Variants in ANK2 observed in about 807,000 individuals in gnomAD.
The protein encoded by ANK2 is ankyrin-2.
Under a neutral mutation model 360.5 loss-of-function variants are expected in ANK2, and 83 were observed. The observed-to-expected ratio is 0.23, with a 90% CI of 0.19 to 0.28. The LOEUF (loss-of-function observed/expected upper bound fraction) is 0.28, where lower values mean the gene tolerates loss of function less well. ANK2 is among the 10% of genes least tolerant of loss of function. The pLI, the probability that ANK2 is intolerant of heterozygous loss-of-function variation, is 1.00. For synonymous variants in ANK2, 1,740 were observed against 1,759.5 expected, an observed-to-expected ratio of 0.99 and a Z score of 0.28; for missense variants, 4,201 against 4,795.7, an observed-to-expected ratio of 0.88 and a Z score of 3.66.
chr4:112,970,895 A>G (rs2039298720), intron 2 of ANK2, among the ~76,000 whole-genome samples: 2 of 152,204 alleles, frequency 1.3e-5, no homozygotes, highest in Admixed American at 1.3e-4. Flanking sequence ...GCATATGTCA[A>G]TTAGCTTGAT....
chr4:113,152,296 G>A (rs991728270), intron 1 of ANK2: 1 of 152,036 alleles, frequency 6.6e-6, no homozygotes, highest in African/African-American at 2.4e-5. Flanking sequence ...GTGTGATGAT[G>A]GAGCTGGGAA....
Position 113,343,100 on chromosome 4 carries a change from T to C in ANK2, c.4206T>C (p.Ser1402=), listed in dbSNP as rs769675138. The C allele has an allele frequency of 6.2e-6, 10 of 1,613,226 alleles. No individual in the cohort carries two copies. Among genetic ancestry groups the C allele is most frequent in the African/African-American group, 2.7e-5 (2 of 74,902 alleles). The change falls in exon 34 of 46, where the codon AGT becomes AGC. Residue 1402 remains serine, a synonymous_variant. Transcript: ENST00000357077. The part of the protein sequence containing the change: ...LTKSGQHHIF[S]FFAFKENRLP... ...AAAGTGGCCAGCATCATATATTCAG[T>C]TTTTTTGCCTTCAAAGAAAATAGAC...
chr4:112,808,092 T>C, the ANK2 span, among the ~76,000 whole-genome samples: 3 of 152,212 alleles, frequency 2.0e-5, no homozygotes, highest in Non-Finnish European at 4.4e-5. Context: ...GCAAGCTCAA[T>C]GTGAGCCAAT....
intron 2 of ANK2, among the ~76,000 whole-genome samples, chr4:113,188,448 A>G (rs2098586174): frequency 6.6e-6 from 1 of 152,162 alleles, no homozygotes; most frequent in African/African-American, 2.4e-5. Flanking sequence ...CATTTCTTCT[A>G]CTTATAGGGG....
intron 13 of ANK2, among the ~76,000 whole-genome samples, chr4:113,263,187 G>GAA (rs762758720): frequency 0.031 from 1,941 of 63,534 alleles, 71 homozygotes; most frequent in African/African-American, 0.087. Context: ...GACTCTGTCT[G>GAA]AAAAAAAAAA....
At chr4:112,928,302 A>ATAGAAAAATAGTATGGTAC (rs2092802211) in intron 2 of ANK2, among the ~76,000 whole-genome samples, 1 of 151,578 alleles carries the variant, frequency 6.6e-6, no homozygotes, top group Admixed American at 6.6e-5. Context: ...AAAGTCTTAA[A>ATAGAAAAATAGTATGGTAC]TAGAAAAATA....
intron 4 of ANK2, among the ~76,000 whole-genome samples, chr4:113,222,141 G>A (rs768788781): frequency 1.1e-4 from 16 of 152,150 alleles, no homozygotes; most frequent in Admixed American, 2.0e-4. Context: ...ATTAAATAAC[G>A]AATGTAAAGT....
At position 113,073,047 on chromosome 4, in the gene ANK2, C is replaced by T. The variant is rs561880343; in HGVS notation, c.84+23235C>T. On this transcript the variant is annotated intron_variant, in intron 1 of 45. Transcript: ENST00000357077. ...TGCAATCTCAGCTCACTGCAACCTC[C>T]GCCTCCCACGTTCAAGTGATTCTCC... is the stretch of plus-strand genomic sequence containing the variant. Among the ~76,000 whole-genome samples the T allele has an allele frequency of 1.2e-4, 17 of 147,716 alleles. No homozygotes were observed. The East Asian group carries it at 1.8e-3, about 16-fold the overall frequency.
rs1198980136 is a variant in ANK2 at position 113,211,357 on chromosome 4, T to G, written c.384+12248T>G. Among the ~76,000 whole-genome samples, 7 of 152,332 alleles carry G rather than the reference T, an allele frequency of 4.6e-5. No homozygotes were observed. The East Asian group carries it at 1.3e-3, about 29-fold the overall frequency. On this transcript the variant is annotated intron_variant, in intron 4 of 45. Transcript: ENST00000357077. ...TTCCTTCTTTCACGTAATGTGCCAT[T>G]GATTAATAATCAAACAGCTTGCATT...
chr4:113,276,149 G>A (rs2060177411), intron 15 of ANK2, among the ~76,000 whole-genome samples: 1 of 151,958 alleles, frequency 6.6e-6, no homozygotes, highest in South Asian at 2.1e-4. Flanking sequence ...CACTGTGTTA[G>A]CCAGGATGGA....
At chr4:113,334,587 T>C (rs573912028) in intron 29 of ANK2, among the ~76,000 whole-genome samples, 1,568 of 143,950 alleles carry the variant, frequency 0.011, 51 homozygotes, top group African/African-American at 0.04. Context: ...ACTAGAAAGT[T>C]AATAGATTAA....
At chr4:112,810,152 TATATA>T in the ANK2 span, among the ~76,000 whole-genome samples, 242 of 24,656 alleles carry the variant, frequency 9.8e-3, 2 homozygotes, top group Non-Finnish European at 9.6e-3. Context: ...TATATATATA[TATATA>T]TATTTTTTTT....
chr4:112,893,142 A>G (rs1341370553), intron 1 of ANK2, among the ~76,000 whole-genome samples: 2 of 152,162 alleles, frequency 1.3e-5, no homozygotes, highest in African/African-American at 4.8e-5. Flanking sequence ...AGATAACACT[A>G]CTTTATGTGG....
At chr4:113,297,536 C>T (rs1422912440) in intron 22 of ANK2, among the ~76,000 whole-genome samples, 1 of 151,972 alleles carries the variant, frequency 6.6e-6, no homozygotes, top group African/African-American at 2.4e-5. Flanking sequence ...TAAGTATGTA[C>T]AACTGTGTAT....
the ANK2 span, among the ~76,000 whole-genome samples, chr4:112,741,422 C>T: frequency 6.6e-6 from 1 of 152,156 alleles, no homozygotes; most frequent in Admixed American, 6.5e-5. Context: ...CAAAGCAAAG[C>T]CTGCTCTGTC....
intron 16 of ANK2, 110 bp from the exon 17 acceptor site, chr4:113,278,350 A>T: frequency 1.1e-6 from 1 of 872,834 alleles, no homozygotes; most frequent in Non-Finnish European, 1.9e-6. Flanking sequence ...TATTGACTAT[A>T]TTAATTCATT....
intron 1 of ANK2, among the ~76,000 whole-genome samples, chr4:113,126,668 T>G (rs1274113817): frequency 6.6e-6 from 1 of 152,100 alleles, no homozygotes; most frequent in African/African-American, 2.4e-5. Context: ...TTTCCATTAC[T>G]GGGGAGAAGG....
chr4:112,999,378 G>C (rs1487448023), intron 2 of ANK2, among the ~76,000 whole-genome samples: 1 of 152,056 alleles, frequency 6.6e-6, no homozygotes, highest in Non-Finnish European at 1.5e-5. Context: ...CCCAGCATGA[G>C]CTCTTTTTAC....
chr4:112,760,664 G>A, the ANK2 span, among the ~76,000 whole-genome samples: 1 of 151,796 alleles, frequency 6.6e-6, no homozygotes, highest in Admixed American at 6.6e-5. Context: ...TTAGCATTAG[G>A]TATATCTCCT....
Sources: allele counts gnomAD v4.1 joint callset (sites outside exome capture counted in the v4.1 genomes callset), GRCh38; gene constraint gnomAD v4.1.1; transcripts MANE v1.5; gene names NCBI Gene and HGNC (gene_info 2026-07-23, HGNC 2026-07-21).